The following BMPR2 variants were observed in gnomAD, a reference collection of about 807,000 sequenced individuals.
BMPR2 encodes the protein bone morphogenetic protein receptor type 2.
BMPR2 carries 29 observed loss-of-function variants against 100.8 expected under a neutral mutation model. The ratio of observed to expected loss-of-function variants is 0.29; its 90% CI spans 0.21 to 0.39. The LOEUF is 0.39. BMPR2 is among the 10% of genes least tolerant of loss of function. The pLI is 1.00. For synonymous variants in BMPR2, 382 were observed against 442.3 expected (o/e 0.86, Z 1.71); for missense variants, 1,011 against 1,274.5 (o/e 0.79, Z 3.15).
At chr2:202,486,798 G>A (rs1320026066) in intron 3 of BMPR2, among the ~76,000 whole-genome samples, 4 of 152,102 alleles carry the variant, frequency 2.6e-5, no homozygotes, top group Admixed American at 6.5e-5. Flanking sequence ...AGCCAAGGCA[G>A]GAGAATTGCT....
chr2:202,432,027 A>G lies in BMPR2; in HGVS notation c.77-32782A>G, dbSNP rs183937624. On this transcript the variant is annotated intron_variant, in intron 1 of 12. Coordinates refer to ENST00000374580, the MANE Select transcript of BMPR2 (RefSeq NM_001204.7). Reference sequence around the variant, plus strand: ...AGGTACTTATATATTAAGTATAGGTATGTGTGTGCATATGTACAAATGTGT... The same window carrying G: ...AGGTACTTATATATTAAGTATAGGTGTGTGTGTGCATATGTACAAATGTGT... Among the ~76,000 whole-genome samples the G allele has an allele frequency of 2.6e-3, 389 of 150,668 alleles. 6 individuals carry two copies. Among genetic ancestry groups the G allele is most frequent in the Admixed American group, 4.3e-3 (65 of 15,222 alleles).
intron 9 of BMPR2, among the ~76,000 whole-genome samples, chr2:202,533,159 C>T (rs1345336111): frequency 1.3e-5 from 2 of 151,186 alleles, no homozygotes; most frequent in African/African-American, 4.9e-5. Context: ...CTCCCTTTCT[C>T]CCTCCTTCCT....
intron 1 of BMPR2, among the ~76,000 whole-genome samples, chr2:202,390,980 CTTTTTTTTTTTTTTT>C (rs11459505): frequency 5.8e-5 from 3 of 51,904 alleles, no homozygotes; most frequent in African/African-American, 1.5e-4. Flanking sequence ...AGTAAGTAGT[CTTTTTTTTTTTTTTT>C]TTTTTTTTTT....
chr2:202,399,174 A>G (rs1032473769), intron 1 of BMPR2, among the ~76,000 whole-genome samples: 2 of 152,166 alleles, frequency 1.3e-5, no homozygotes, highest in Non-Finnish European at 2.9e-5. Flanking sequence ...ACATAAAGGA[A>G]CAAGATCATT....
chr2:202,481,204 G>A (rs1269307083), intron 3 of BMPR2, among the ~76,000 whole-genome samples: 2 of 144,342 alleles, frequency 1.4e-5, no homozygotes, highest in Non-Finnish European at 1.6e-5. Flanking sequence ...TTGAGATGGA[G>A]TTTCACTCTT....
At chr2:202,404,693 G>C (rs1574430428) in intron 1 of BMPR2, among the ~76,000 whole-genome samples, 1 of 152,232 alleles carries the variant, frequency 6.6e-6, no homozygotes, top group South Asian at 2.1e-4. Flanking sequence ...GGGTATATTG[G>C]GTGGTGCTAA....
In BMPR2 at chr2:202,417,702, G is replaced by T. The variant is rs563628108; in HGVS notation, c.76+40152G>T. ...GCAGGAGTGCAGGGGCCTGATCATG[G>T]CTTTTTCTATATTCCTTTTTTTTTT... On this transcript the variant is annotated intron_variant, in intron 1 of 12. Coordinates refer to ENST00000374580, the MANE Select transcript of BMPR2 (RefSeq NM_001204.7). 9.1e-4 allele frequency among the ~76,000 whole-genome samples: 138 copies of T among 151,520 alleles called. 1 individual carries two copies. Among genetic ancestry groups the T allele is most frequent in the African/African-American group, 3.2e-3 (130 of 41,222 alleles).
intron 1 of BMPR2, among the ~76,000 whole-genome samples, chr2:202,400,832 G>A (rs886280745): frequency 1.3e-5 from 2 of 151,902 alleles, no homozygotes; most frequent in African/African-American, 4.8e-5. Context: ...TTAGTATTTT[G>A]TTGTTTTATT....
intron 10 of BMPR2, among the ~76,000 whole-genome samples, chr2:202,544,597 T>TC (rs1688339334): frequency 6.6e-6 from 1 of 152,066 alleles, no homozygotes; most frequent in African/African-American, 2.4e-5. Context: ...TAATTTTTTT[T>TC]CTCTATAAGC....
At chr2:202,435,376 C>T (rs12474467) in intron 1 of BMPR2, among the ~76,000 whole-genome samples, 33 of 103,402 alleles carry the variant, frequency 3.2e-4, no homozygotes, top group Non-Finnish European at 4.0e-4. Context: ...AAAAAAAATA[C>T]ATATATATAT....
At chr2:202,535,336 T>A (rs1232841135) in intron 9 of BMPR2, among the ~76,000 whole-genome samples, 1 of 129,602 alleles carries the variant, frequency 7.7e-6, no homozygotes, top group South Asian at 2.7e-4. Context: ...GACGGGGCGG[T>A]TGCCAGGCAG....
Position 202,460,055 on chromosome 2 carries a change from C to T in BMPR2, c.77-4754C>T, listed in dbSNP as rs143432924. The stretch of plus-strand genomic sequence containing the variant: ...AGAGAAATGCAAATCAAAGTCACAA[C>T]GATATATCATCTCACACTGGTCAAA... On this transcript the variant is annotated intron_variant, in intron 1 of 12. Coordinates refer to ENST00000374580, the MANE Select transcript of BMPR2 (RefSeq NM_001204.7). Among the ~76,000 whole-genome samples the T allele has an allele frequency of 7.0e-4, 106 of 152,182 alleles. 2 individuals are homozygous for T. The East Asian group carries it at 0.018, about 26-fold the overall frequency.
intron 1 of BMPR2, among the ~76,000 whole-genome samples, chr2:202,437,336 C>T (rs1237986916): frequency 1.3e-5 from 2 of 150,800 alleles, no homozygotes; most frequent in African/African-American, 5.0e-5. Context: ...TTAGGAATTT[C>T]AACCTGACCA....
At position 202,385,662 on chromosome 2, in the gene BMPR2, C is replaced by CAA. The variant is rs34934213; in HGVS notation, c.76+8127_76+8128dup. On this transcript the variant is annotated intron_variant, in intron 1 of 12. Transcript: ENST00000374580. ...TACAGGCGTGAGCCACCACGCCTGG[C>CAA]AAAAAAAAAAAAAAAAGCATGTATT... 1.2e-3 allele frequency among the ~76,000 whole-genome samples: 102 copies of CAA among 82,082 alleles called. 2 individuals carry two copies. The highest frequency in any genetic ancestry group is 1.1e-3 in the Non-Finnish European group (48 of 42,182). 53.8% of individuals were successfully genotyped at this position (82,082 alleles called of 152,430 possible).
intron 9 of BMPR2, among the ~76,000 whole-genome samples, chr2:202,539,292 A>C (rs552955037): frequency 6.6e-6 from 1 of 152,304 alleles, no homozygotes; most frequent in South Asian, 2.1e-4. Context: ...TTTGAATTTG[A>C]GTAGGAGGAG....
intron 3 of BMPR2, among the ~76,000 whole-genome samples, chr2:202,509,671 A>G (rs1687586360): frequency 6.6e-6 from 1 of 151,878 alleles, no homozygotes; most frequent in Non-Finnish European, 1.5e-5. Context: ...GTTACATTAA[A>G]ATTTTAATAT....
At chr2:202,419,523 CT>C in intron 1 of BMPR2, among the ~76,000 whole-genome samples, 1 of 151,818 alleles carries the variant, frequency 6.6e-6, no homozygotes, top group East Asian at 1.9e-4. Context: ...TGCTTGGCTA[CT>C]TTTTGTATTT....
chr2:202,390,840 T>C lies in BMPR2; in HGVS notation c.76+13290T>C, dbSNP rs983892095. Among the ~76,000 whole-genome samples the C allele has an allele frequency of 2.0e-5, 3 of 152,228 alleles. No homozygotes were observed. The East Asian group carries it at 5.8e-4, about 29-fold the overall frequency. ...GTTTTTCTTACTGATTTAAAGGTGTTACATGATATAAATATATGATATAAA... is the reference window on the plus strand; with the variant it reads ...GTTTTTCTTACTGATTTAAAGGTGTCACATGATATAAATATATGATATAAA... On this transcript the variant is annotated intron_variant, in intron 1 of 12. Transcript: ENST00000374580.
chr2:202,408,955 A>G (rs1484963795), intron 1 of BMPR2, among the ~76,000 whole-genome samples: 1 of 152,198 alleles, frequency 6.6e-6, no homozygotes, highest in Non-Finnish European at 1.5e-5. Context: ...TATCAGGAGT[A>G]GTGTGAGTGT....
Sources: gnomAD v4.1 joint callset for allele counts (sites outside exome capture counted in the v4.1 genomes callset) on GRCh38, gnomAD v4.1.1 for gene constraint, MANE v1.5 for transcripts, NCBI Gene and HGNC (gene_info 2026-07-23, HGNC 2026-07-21) for gene names.